Variants in GPC5 observed in about 807,000 individuals in gnomAD.
GPC5 encodes the protein glypican 5.
A neutral mutation model predicts 53.9 loss-of-function variants in GPC5; 47 were observed. That is an observed-to-expected ratio of 0.87 (90% confidence interval 0.69 to 1.11). The LOEUF is 1.11. GPC5 is among the 50% of genes most tolerant of loss of function. The pLI is 0.00. For missense variants in GPC5, 748 were observed against 713.1 expected (o/e 1.05, Z -0.56); for synonymous variants, 286 against 263.3 (o/e 1.09, Z -0.84).
chr13:91,963,193 T>A (rs2040142701), intron 6 of GPC5, among the ~76,000 whole-genome samples: 1 of 152,110 alleles, frequency 6.6e-6, no homozygotes, highest in South Asian at 2.1e-4. Context: ...TAGAGCTGAG[T>A]AGTGCTTAGG....
At chr13:92,819,484 T>G (rs1214286228) in intron 7 of GPC5, among the ~76,000 whole-genome samples, 1 of 152,196 alleles carries the variant, frequency 6.6e-6, no homozygotes, top group Non-Finnish European at 1.5e-5. Flanking sequence ...AAACTGTAAT[T>G]CCCTCATTAA....
intron 7 of GPC5, among the ~76,000 whole-genome samples, chr13:92,497,966 C>A (rs1350220117): frequency 6.6e-6 from 1 of 151,950 alleles, no homozygotes; most frequent in African/African-American, 2.4e-5. Flanking sequence ...GCTGAAGTTG[C>A]TTATCAGTTT....
rs182811351 is a variant in GPC5 at position 92,252,809 on chromosome 13, C to T, written c.1561+107820C>T. On this transcript the variant is annotated intron_variant, in intron 7 of 7. Coordinates refer to ENST00000377067, the MANE Select transcript of GPC5 (RefSeq NM_004466.6). ...TTTATAAGTTGCTGAGTTAACACTC[C>T]TAAAAACAATTACAAATGTCATTTT... is the stretch of plus-strand genomic sequence containing the variant. Among the ~76,000 whole-genome samples the T allele has an allele frequency of 1.2e-4, 18 of 152,188 alleles. No homozygotes were observed. In the East Asian group the frequency reaches 2.1e-3, roughly 18 times the overall value.
chr13:92,499,507 C>T (rs1251927122), intron 7 of GPC5, among the ~76,000 whole-genome samples: 1 of 152,066 alleles, frequency 6.6e-6, no homozygotes, highest in Non-Finnish European at 1.5e-5. Context: ...CACCGAATAT[C>T]TAGCCAAAGT....
chr13:92,126,414 A>G (rs1290432529), intron 6 of GPC5, among the ~76,000 whole-genome samples: 2 of 152,190 alleles, frequency 1.3e-5, no homozygotes, highest in Non-Finnish European at 2.9e-5. Context: ...TGCACATAGG[A>G]CAAATTATTT....
chr13:91,766,815 G>T (rs2138682767), intron 5 of GPC5, among the ~76,000 whole-genome samples: 2 of 152,238 alleles, frequency 1.3e-5, no homozygotes, highest in African/African-American at 4.8e-5. Flanking sequence ...AGCCGAGACT[G>T]CACCACTGCA....
intron 7 of GPC5, among the ~76,000 whole-genome samples, chr13:92,351,310 A>G (rs2043475323): frequency 6.6e-6 from 1 of 151,930 alleles, no homozygotes; most frequent in Admixed American, 6.6e-5. Flanking sequence ...ATTTTTAAAA[A>G]TTAGGTAAAA....
chr13:92,760,071 T>G (rs77981908), intron 7 of GPC5, among the ~76,000 whole-genome samples: 22 of 152,222 alleles, frequency 1.4e-4, no homozygotes, highest in African/African-American at 5.3e-4. Flanking sequence ...TGCCACTTGT[T>G]TGTAATGGAC....
intron 3 of GPC5, among the ~76,000 whole-genome samples, chr13:91,711,543 T>C (rs1445965610): frequency 6.6e-6 from 1 of 152,184 alleles, no homozygotes; most frequent in Non-Finnish European, 1.5e-5. Context: ...ACATGGTACA[T>C]GTATACATAT....
intron 6 of GPC5, among the ~76,000 whole-genome samples, chr13:91,987,145 C>G (rs2040415563): frequency 6.6e-6 from 1 of 152,178 alleles, no homozygotes; most frequent in Admixed American, 6.5e-5. Context: ...ACTTTTAAAA[C>G]TAATAGAATT....
chr13:91,583,115 TTAA>T (rs1306824771), intron 2 of GPC5, among the ~76,000 whole-genome samples: 2 of 152,164 alleles, frequency 1.3e-5, no homozygotes, highest in African/African-American at 4.8e-5. Flanking sequence ...AACATTATAC[TTAA>T]TAATAAAATG....
At chr13:91,774,033 TG>T (rs1423214011) in intron 5 of GPC5, among the ~76,000 whole-genome samples, 9 of 152,188 alleles carry the variant, frequency 5.9e-5, no homozygotes, top group Non-Finnish European at 1.2e-4. Context: ...GCAAATGCAT[TG>T]CTTTTCTCTC....
intron 7 of GPC5, among the ~76,000 whole-genome samples, chr13:92,455,642 C>A (rs1391382080): frequency 6.6e-6 from 1 of 152,132 alleles, no homozygotes; most frequent in East Asian, 1.9e-4. Context: ...ATTATGACAG[C>A]CCAAATTCTG....
Position 91,863,026 on chromosome 13 carries a change from C to T in GPC5, c.1281-44911C>T, listed in dbSNP as rs559381600. 1.0e-4 allele frequency among the ~76,000 whole-genome samples: 15 copies of T among 150,108 alleles called. No homozygotes were observed. The South Asian group carries it at 3.0e-3, about 30-fold the overall frequency. ...TCCCTCTCCCTTTCCCTTCCCCCAC[C>T]CCTTCTTTCTCCTTCCCTCTCCCCT... On this transcript the variant is annotated intron_variant, in intron 5 of 7. Coordinates refer to ENST00000377067, the MANE Select transcript of GPC5 (RefSeq NM_004466.6).
chr13:92,361,260 T>C (rs1430294169), intron 7 of GPC5, among the ~76,000 whole-genome samples: 6 of 151,680 alleles, frequency 4.0e-5, no homozygotes, highest in African/African-American at 1.2e-4. Context: ...TGAAACATCT[T>C]GTGGGTCGGG....
chr13:92,820,364 A>C (rs2138809279), intron 7 of GPC5, among the ~76,000 whole-genome samples: 1 of 152,300 alleles, frequency 6.6e-6, no homozygotes, highest in Middle Eastern at 3.4e-3. Context: ...CAAACCTTTC[A>C]GGTTTTGTTG....
intron 7 of GPC5, among the ~76,000 whole-genome samples, chr13:92,271,545 A>C (rs1023301980): frequency 1.3e-5 from 2 of 152,210 alleles, no homozygotes; most frequent in African/African-American, 4.8e-5. Context: ...TAGGAATATC[A>C]TGCAGCAACT....
At chr13:91,918,757 C>G (rs1352640338) in intron 6 of GPC5, among the ~76,000 whole-genome samples, 6 of 152,166 alleles carry the variant, frequency 3.9e-5, no homozygotes, top group African/African-American at 1.4e-4. Context: ...TTTGCTCTCA[C>G]TTTCTTGATT....
At chr13:92,733,190 T>G (rs1250633190) in intron 7 of GPC5, among the ~76,000 whole-genome samples, 2 of 151,724 alleles carry the variant, frequency 1.3e-5, no homozygotes, top group Non-Finnish European at 2.9e-5. Context: ...AAGAATAAAA[T>G]ACAATATATT....
Sources: allele counts gnomAD v4.1 joint callset (sites outside exome capture counted in the v4.1 genomes callset), GRCh38; gene constraint gnomAD v4.1.1; transcripts MANE v1.5; gene names NCBI Gene and HGNC (gene_info 2026-07-23, HGNC 2026-07-21).